The following MAP2K1 variants were observed in gnomAD, a reference collection of about 807,000 sequenced individuals.
MAP2K1 encodes the protein dual specificity mitogen-activated protein kinase kinase 1.
Under a neutral mutation model 46.3 loss-of-function variants are expected in MAP2K1, and 16 were observed. The ratio of observed to expected loss-of-function variants is 0.35; its 90% CI spans 0.23 to 0.52. The LOEUF (loss-of-function observed/expected upper bound fraction) is 0.52, where lower values mean the gene tolerates loss of function less well. Among genes scored for constraint, MAP2K1 ranks in the 20% least tolerant of loss-of-function variants. The pLI is 0.94. For missense variants in MAP2K1, 263 were observed against 497.1 expected (o/e 0.53, Z 4.48); for synonymous variants, 183 against 185.6 (o/e 0.99, Z 0.11).
intron 1 of MAP2K1, among the ~76,000 whole-genome samples, chr15:66,418,967 T>C (rs1227961920): frequency 1.5e-3 from 157 of 107,012 alleles, no homozygotes; most frequent in African/African-American, 4.6e-3. Flanking sequence ...TTTTTTTTTT[T>C]CCTTTTTTCT....
rs2093355566 is a variant in MAP2K1 at position 66,391,269 on chromosome 15, C to G, written c.80+3842C>G. Among the ~76,000 whole-genome samples, 5 of 152,184 alleles carry G rather than the reference C, an allele frequency of 3.3e-5. No homozygotes were observed. The South Asian group carries it at 1.0e-3, about 32-fold the overall frequency. On this transcript the variant is annotated intron_variant, in intron 1 of 10. Transcript: ENST00000307102. ...TCTTAATATTTATCTCTCCTGTACA[C>G]TATAAACTTTAAGCACAGCACTGCC...
chr15:66,399,478 G>A (rs147581388), intron 1 of MAP2K1, among the ~76,000 whole-genome samples: 366 of 151,640 alleles, frequency 2.4e-3, no homozygotes, highest in South Asian at 0.014. Context: ...ATAGGATCTC[G>A]CTTGCTGTGT....
In MAP2K1 at chr15:66,394,029, A is replaced by T. The variant is rs962086591; in HGVS notation, c.80+6602A>T. The stretch of plus-strand genomic sequence containing the variant: ...TGCCACCCCAAGTGTAAGCTTCATG[A>T]TGGTTGGGGCTTTGCCTTGTTCATT... On this transcript the variant is annotated intron_variant, in intron 1 of 10. Transcript: ENST00000307102. Among the ~76,000 whole-genome samples, 6 of 152,138 alleles carry T rather than the reference A, an allele frequency of 3.9e-5. No homozygotes were observed. In the South Asian group the frequency reaches 1.0e-3, roughly 26 times the overall value.
At chr15:66,489,644 A>C (rs1450590364) in intron 9 of MAP2K1, 74 bp from the exon 10 acceptor site, 1 of 1,110,742 alleles carries the variant, frequency 9.0e-7, no homozygotes, top group East Asian at 2.3e-5. Flanking sequence ...CAGAGAAGAC[A>C]GGCATGCAAA....
At position 66,490,485 on chromosome 15, in the gene MAP2K1, C is replaced by T. The variant is rs201274410; in HGVS notation, c.1069-17C>T. On this transcript the variant is annotated splice_polypyrimidine_tract_variant and intron_variant, in intron 10 of 10. Transcript: ENST00000307102. Reference sequence around the variant, plus strand: ...GTTTCTTTTTAACACCACGTCCTCTCGTTTCCTTACATGCAGGTTCATGCT... The same window carrying T: ...GTTTCTTTTTAACACCACGTCCTCTTGTTTCCTTACATGCAGGTTCATGCT... 18 of 1,562,510 alleles carry T rather than the reference C, an allele frequency of 1.2e-5. No homozygotes were observed. The highest frequency in any genetic ancestry group is 1.1e-4 in the East Asian group (5 of 44,644).
chr15:66,388,000 T>G (rs1225038188), intron 1 of MAP2K1, among the ~76,000 whole-genome samples: 3 of 152,220 alleles, frequency 2.0e-5, no homozygotes, highest in Non-Finnish European at 4.4e-5. Context: ...TTCCTGGTAC[T>G]TGGCCTTCCT....
intron 1 of MAP2K1, among the ~76,000 whole-genome samples, chr15:66,418,733 G>T (rs1327058961): frequency 6.6e-6 from 1 of 151,674 alleles, no homozygotes; most frequent in Admixed American, 6.6e-5. Flanking sequence ...CGGGATCTCA[G>T]CTCACTGCAA....
chr15:66,419,161 T>C (rs1056862237), intron 1 of MAP2K1, among the ~76,000 whole-genome samples: 1 of 151,614 alleles, frequency 6.6e-6, no homozygotes, highest in African/African-American at 2.4e-5. Context: ...TCTGTTTTTT[T>C]TTCCCCCCTC....
At chr15:66,394,601 A>T (rs954603611) in intron 1 of MAP2K1, among the ~76,000 whole-genome samples, 11 of 151,848 alleles carry the variant, frequency 7.2e-5, no homozygotes, top group Admixed American at 6.6e-5. Context: ...TACTACCGGC[A>T]TGTACCACCA....
chr15:66,452,871 T>C (rs984005248), intron 5 of MAP2K1, among the ~76,000 whole-genome samples: 2 of 152,234 alleles, frequency 1.3e-5, no homozygotes, highest in African/African-American at 4.8e-5. Context: ...AATATAGTTC[T>C]TATGTTTGTC....
intron 1 of MAP2K1, among the ~76,000 whole-genome samples, chr15:66,410,834 A>G (rs1350623359): frequency 6.6e-6 from 1 of 152,208 alleles, no homozygotes; most frequent in Non-Finnish European, 1.5e-5. Context: ...ATCACTTGGC[A>G]GGGATGTGGC....
intron 2 of MAP2K1, among the ~76,000 whole-genome samples, chr15:66,436,335 A>G (rs1417700175): frequency 6.6e-6 from 1 of 152,214 alleles, no homozygotes; most frequent in Non-Finnish European, 1.5e-5. Context: ...CTTAGTCTCA[A>G]CCACATCAGG....
chr15:66,484,120 TTCA>T (rs1448711798), intron 6 of MAP2K1, among the ~76,000 whole-genome samples: 1 of 151,608 alleles, frequency 6.6e-6, no homozygotes, highest in Non-Finnish European at 1.5e-5. Flanking sequence ...TACTGTCATT[TTCA>T]TCATCATCAG....
chr15:66,426,756 T>C (rs1378855785), intron 1 of MAP2K1, among the ~76,000 whole-genome samples: 1 of 152,254 alleles, frequency 6.6e-6, no homozygotes, highest in Admixed American at 6.5e-5. Context: ...AGTCACTTAC[T>C]CTGTGAACTT....
chr15:66,467,549 A>G (rs955589418), intron 5 of MAP2K1, among the ~76,000 whole-genome samples: 1 of 152,152 alleles, frequency 6.6e-6, no homozygotes, highest in Non-Finnish European at 1.5e-5. Context: ...GTCTCTTTCA[A>G]TATTTACAGA....
rs35469194 is a variant in MAP2K1, at chr15:66,421,883, C to CTT, written c.81-13132_81-13131dup. On this transcript the variant is annotated intron_variant, in intron 1 of 10. Coordinates refer to ENST00000307102, the MANE Select transcript of MAP2K1 (RefSeq NM_002755.4). ...GCCCCTACTAGAATGCCCTCTTTCT[C>CTT]TTTTTTTTTTTTTGCTATCTCATTA... Among the ~76,000 whole-genome samples the CTT allele has an allele frequency of 3.8e-3, 550 of 143,134 alleles. 3 individuals are homozygous for CTT. The highest frequency in any genetic ancestry group is 3.4e-3 in the Admixed American group (49 of 14,316). 93.9% of individuals were successfully genotyped at this position (143,134 alleles called of 152,430 possible). A position where few individuals can be genotyped will look rare whatever the true frequency, so the allele number is the denominator to read the frequency against.
At position 66,485,068 on chromosome 15, in the gene MAP2K1, G is replaced by A. The variant is rs753236280; in HGVS notation, c.772G>A (p.Val258Ile). Residue 258 changes from valine (V) to isoleucine (I), a missense_variant, in exon 7 of 11, where the codon GTT (valine) becomes ATT (isoleucine). Around this residue, in one of 4 missense-constraint regions of MAP2K1, gnomAD observed 118 missense variants for 193.0 expected, o/e 0.61. Transcript: ENST00000307102. The part of the protein sequence containing the change: ...SMGLSLVEMA[V>I]GRYPIPPPDA... ...GGGACTGTCTCTGGTAGAGATGGCG[G>A]TTGGGAGGTATCCCATCCCTCCTCC... 6.8e-6 allele frequency: 11 copies of A among 1,613,976 alleles called. No individual in the cohort carries two copies. The South Asian group carries it at 1.2e-4, about 18-fold the overall frequency.
intron 1 of MAP2K1, among the ~76,000 whole-genome samples, chr15:66,423,273 T>C (rs1380364661): frequency 6.6e-6 from 1 of 152,218 alleles, no homozygotes; most frequent in African/African-American, 2.4e-5. Context: ...CATTTGTTCA[T>C]ACATGTTGTC....
At chr15:66,437,828 T>C (rs2093492410) in intron 3 of MAP2K1, among the ~76,000 whole-genome samples, 1 of 152,186 alleles carries the variant, frequency 6.6e-6, no homozygotes, top group East Asian at 1.9e-4. Context: ...TAAAAACGTC[T>C]TCTGCACATC....
Sources: allele counts gnomAD v4.1 joint callset (sites outside exome capture counted in the v4.1 genomes callset), GRCh38; gene constraint gnomAD v4.1.1; regional missense constraint gnomAD v4.1.1; transcripts MANE v1.5; gene names NCBI Gene and HGNC (gene_info 2026-07-23, HGNC 2026-07-21).